Variants in TEX15 observed in about 807,000 individuals in gnomAD.
TEX15 encodes testis expressed 15, meiosis and synapsis associated.
TEX15 carries 171 observed loss-of-function variants against 237.3 expected under a neutral mutation model. The ratio of observed to expected loss-of-function variants is 0.72; its 90% CI spans 0.64 to 0.82. TEX15 has a LOEUF of 0.82. TEX15 is among the 40% of genes least tolerant of loss of function. The probability of loss-of-function intolerance (pLI) is 0.00; values close to 1 mark genes in which losing one functional copy is unlikely to be tolerated. For missense variants in TEX15, 3,750 were observed against 3,646.5 expected, an observed-to-expected ratio of 1.03 and a Z score of -0.73; for synonymous variants, 1,338 against 1,269.8, an observed-to-expected ratio of 1.05 and a Z score of -1.14.
chr8:30,841,867 TTA>T, intron 8 of TEX15, 135 bp downstream of exon 8: 2 of 555,782 alleles, frequency 3.6e-6, no homozygotes, highest in Non-Finnish European at 6.2e-6. Flanking sequence ...TAAATCAATA[TTA>T]TAGTTAGTAA....
intron 10 of TEX15, among the ~76,000 whole-genome samples, chr8:30,834,687 T>C (rs1807253478): frequency 6.6e-6 from 1 of 151,956 alleles, no homozygotes; most frequent in African/African-American, 2.4e-5. Context: ...AACATTAAGT[T>C]GTTCAACGTG....
chr8:30,858,631 C>A (rs1202054520), intron 7 of TEX15, 37 bp downstream of exon 7: 32 of 1,480,414 alleles, frequency 2.2e-5, no homozygotes, highest in Non-Finnish European at 2.8e-5. Context: ...AAGACCAGCA[C>A]AAATATTAAT....
chr8:30,849,855 C>T (rs535073572), intron 7 of TEX15, among the ~76,000 whole-genome samples: 11 of 151,592 alleles, frequency 7.3e-5, no homozygotes, highest in South Asian at 2.1e-4. Context: ...GCCGAGATTG[C>T]GCCACTGCAC....
At position 30,843,179 on chromosome 8, in the gene TEX15, T is replaced by C. The variant is rs140311496; in HGVS notation, c.6988A>G (p.Ile2330Val). ...KDLNNEPISP[I>V]GLEEDTIIAS... The stretch of plus-strand genomic sequence containing the variant: ...ATTATAGTATCCTCCTCAAGCCCAA[T>C]AGGGGAAATTGGTTCATTGTTTAAA... The change falls in exon 8 of 11, where the codon ATT becomes GTT. Residue 2330 changes from isoleucine (I) to valine (V), a missense_variant. Ile to Val is a conservative substitution (Grantham distance 29). Transcript: ENST00000643185. 2.0e-5 allele frequency: 33 copies of C among 1,613,436 alleles called. No individual in the cohort carries two copies. Among genetic ancestry groups the C allele is most frequent in the East Asian group, 2.0e-4 (9 of 44,816 alleles).
chr8:30,853,172 G>A (rs775323641), intron 7 of TEX15, among the ~76,000 whole-genome samples: 3 of 152,086 alleles, frequency 2.0e-5, no homozygotes, highest in African/African-American at 4.8e-5. Flanking sequence ...GTAGGGAAAG[G>A]TCCCTATCTG....
rs756286155 is a variant in TEX15 at position 30,836,904 on chromosome 8, T to A, written c.9380A>T (p.Gln3127Leu). Reference protein sequence around the residue: ...QSQIPASNFRQPIFSQYASHQ... With the variant: ...QSQIPASNFRLPIFSQYASHQ... ...AGAAGCATATTGTGAAAAAATTGGCTGCCGAAAATTAGAAGCAGGTATTTG... is the reference window on the plus strand; with the variant it reads ...AGAAGCATATTGTGAAAAAATTGGCAGCCGAAAATTAGAAGCAGGTATTTG... Residue 3127 changes from glutamine (Q) to leucine (L), a missense_variant, in exon 10 of 11, where the codon CAG becomes CTG. Coordinates refer to ENST00000643185, the MANE Select transcript of TEX15 (RefSeq NM_001350162.2). The A allele has an allele frequency of 1.2e-6, 2 of 1,614,206 alleles. No individual in the cohort carries two copies. Among genetic ancestry groups the A allele is most frequent in the South Asian group, 2.2e-5 (2 of 91,086 alleles).
chr8:30,908,719 G>A (rs1031414240), intron 1 of TEX15, among the ~76,000 whole-genome samples: 1 of 152,190 alleles, frequency 6.6e-6, no homozygotes. Flanking sequence ...ACTGAAATGT[G>A]TTCATCTCTC....
chr8:30,894,844 C>G (rs553519532), intron 2 of TEX15, among the ~76,000 whole-genome samples: 1 of 152,064 alleles, frequency 6.6e-6, no homozygotes, highest in Non-Finnish European at 1.5e-5. Context: ...AAAGGTGGTG[C>G]CTTCATGAAG....
rs771896149 is a variant in TEX15, at chr8:30,846,620, T to C, written c.3547A>G (p.Thr1183Ala). 1.9e-5 allele frequency: 31 copies of C among 1,613,764 alleles called. No homozygotes were observed. The highest frequency in any genetic ancestry group is 2.5e-5 in the Non-Finnish European group (30 of 1,179,834). ...DSLALKDSFC[T>A]HVTEATKPEI... ...GGTTTTGTGGCTTCAGTTACATGTG[T>C]GCAAAAACTATCTTTCAATGCAAGG... The change falls in exon 8 of 11, where the codon ACA (threonine) becomes GCA (alanine). Residue 1183 changes from threonine to alanine, a missense_variant. By Grantham distance (58) the Thr-to-Ala change is moderately conservative. Transcript: ENST00000643185.
At chr8:30,868,824 G>A (rs1808229236) in intron 4 of TEX15, among the ~76,000 whole-genome samples, 1 of 150,800 alleles carries the variant, frequency 6.6e-6, no homozygotes, top group African/African-American at 2.4e-5. Context: ...CCTACAGCAG[G>A]GTTTTTCCAC....
Position 30,833,144 on chromosome 8 carries a change from G to A in TEX15, c.*142C>T. 1 of 598,074 alleles carries A rather than the reference G, an allele frequency of 1.7e-6. No homozygotes were observed. Among genetic ancestry groups the A allele is most frequent in the African/African-American group, 1.9e-5 (1 of 53,130 alleles). 37.0% of individuals were successfully genotyped at this position (598,074 alleles called of 1,614,324 possible). A position where few individuals can be genotyped will look rare whatever the true frequency, so the allele number is the denominator to read the frequency against. On this transcript the variant is annotated 3_prime_UTR_variant, in exon 11 of 11. Coordinates refer to ENST00000643185, the MANE Select transcript of TEX15 (RefSeq NM_001350162.2). ...CTATATGATATGTGTTAGATTATTT[G>A]TATATTTTACAAAGGACCATATGAT...
At position 30,849,097 on chromosome 8, in the gene TEX15, T is replaced by C. The variant is rs778651703; in HGVS notation, c.1070A>G (p.Tyr357Cys). ...QNGNISIPET[Y>C]SGQTEHSLAE... ...TAAACTGTGCTCTGTCTGTCCACTG[T>C]ATGTTTCAGGTATAGAAATGTTTCC... is the stretch of plus-strand genomic sequence containing the variant. Residue 357 changes from tyrosine (Y) to cysteine (C), a missense_variant, in exon 8 of 11, where the codon TAC becomes TGC. By Grantham distance (194) the Tyr-to-Cys change is radical. Transcript: ENST00000643185. 1.2e-6 allele frequency: 2 copies of C among 1,612,314 alleles called. No homozygotes were observed. Among genetic ancestry groups the C allele is most frequent in the Non-Finnish European group, 1.7e-6 (2 of 1,179,382 alleles).
chr8:30,870,254 A>G (rs1235414986), intron 4 of TEX15, among the ~76,000 whole-genome samples: 1 of 152,096 alleles, frequency 6.6e-6, no homozygotes, highest in Non-Finnish European at 1.5e-5. Context: ...GGAATCTTGT[A>G]TATCTTTTTG....
At position 30,844,930 on chromosome 8, in the gene TEX15, T is replaced by C; in HGVS notation, c.5237A>G (p.Asp1746Gly). Residue 1746 changes from aspartate (D) to glycine (G), a missense_variant, in exon 8 of 11, where the codon GAT becomes GGT. By Grantham distance (94) the Asp-to-Gly change is moderately conservative. Transcript: ENST00000643185. ...TACAGTACTGGATGCTGCAAAAGAA[T>C]CTACAGTAAGAATTCTCTGCTTATC... ...YLDKQRILTVDSFAASSTVPH... is the reference protein window; with the variant it reads ...YLDKQRILTVGSFAASSTVPH... The C allele has an allele frequency of 6.2e-7, 1 of 1,613,526 alleles. No individual in the cohort carries two copies. The highest frequency in any genetic ancestry group is 1.1e-5 in the South Asian group (1 of 91,072).
Position 30,848,729 on chromosome 8 carries a change from A to G in TEX15, c.1438T>C (p.Ser480Pro). 1 of 1,614,162 alleles carries G rather than the reference A, an allele frequency of 6.2e-7. No individual in the cohort carries two copies. Among genetic ancestry groups the G allele is most frequent in the Non-Finnish European group, 8.5e-7 (1 of 1,180,002 alleles). Residue 480 changes from serine to proline, a missense_variant, in exon 8 of 11, where the codon TCA (serine) becomes CCA (proline). Ser to Pro is a moderately conservative substitution (Grantham distance 74). Coordinates refer to ENST00000643185, the MANE Select transcript of TEX15 (RefSeq NM_001350162.2). Reference protein sequence around the residue: ...KSTPSNSASSSEVVPGDCAVL... With the variant: ...KSTPSNSASSPEVVPGDCAVL... ...GCACAATCACCAGGGACAACTTCTG[A>G]GGAGGAGGCAGAATTAGATGGTGTC...
intron 8 of TEX15, among the ~76,000 whole-genome samples, chr8:30,841,012 T>C (rs1345802266): frequency 6.6e-6 from 1 of 152,194 alleles, no homozygotes; most frequent in Non-Finnish European, 1.5e-5. Flanking sequence ...TCCGCCCCTG[T>C]GCTCAGGCAA....
rs2467541 is a variant in TEX15, at chr8:30,857,803, A to C, written c.850+865T>G. 9.1e-4 allele frequency among the ~76,000 whole-genome samples: 138 copies of C among 152,338 alleles called. 1 individual carries two copies. In the East Asian group the frequency reaches 0.022, roughly 24 times the overall value. Reference sequence around the variant, plus strand: ...GATACAAAAATCCTCAACTTCATTAATTAGGGAAAAACAAGTTAAAACCAC... The same window carrying C: ...GATACAAAAATCCTCAACTTCATTACTTAGGGAAAAACAAGTTAAAACCAC... On this transcript the variant is annotated intron_variant, in intron 7 of 10. Coordinates refer to ENST00000643185, the MANE Select transcript of TEX15 (RefSeq NM_001350162.2).
chr8:30,875,093 G>T lies in TEX15; in HGVS notation c.146C>A (p.Ser49Ter). 1 of 1,240,612 alleles carries T rather than the reference G, an allele frequency of 8.1e-7. No homozygotes were observed. The highest frequency in any genetic ancestry group is 1.5e-5 in the African/African-American group (1 of 64,722). 76.9% of individuals were successfully genotyped at this position (1,240,612 alleles called of 1,614,324 possible). A position where few individuals can be genotyped will look rare whatever the true frequency, so the allele number is the denominator to read the frequency against. The change falls in exon 4 of 11, where the codon TCA (serine) becomes TAA (stop). Residue 49 changes from serine (S) to a stop codon, truncating the protein, a stop_gained. Transcript: ENST00000643185. LOFTEE classifies it high-confidence loss of function. ...CTCTCTACTATTGGTGTAACAAGGT[G>T]ACAAGTAAACTAAAGGTAGAAAAAG... The part of the protein sequence containing the change: ...IRRTAEKVYL[S>*]PCYTNSREYS...
intron 9 of TEX15, among the ~76,000 whole-genome samples, chr8:30,838,937 T>A (rs1807381917): frequency 6.7e-6 from 1 of 149,978 alleles, no homozygotes; most frequent in Non-Finnish European, 1.5e-5. Context: ...TGCCTCAGCC[T>A]CCCAAGTAGC....
Sources: gnomAD v4.1 joint callset for allele counts (sites outside exome capture counted in the v4.1 genomes callset) on GRCh38, gnomAD v4.1.1 for gene constraint, MANE v1.5 for transcripts, NCBI Gene and HGNC (gene_info 2026-07-23, HGNC 2026-07-21) for gene names.